SPOCK1: variants seen among roughly 807,000 people sequenced by gnomAD.
The protein encoded by SPOCK1 is testican-1.
A neutral mutation model predicts 55.3 loss-of-function variants in SPOCK1; 23 were observed. That is an observed-to-expected ratio of 0.42 (90% CI 0.30 to 0.59). SPOCK1 has a LOEUF of 0.59. Among genes scored for constraint, SPOCK1 ranks in the 20% least tolerant of loss-of-function variants. The pLI is 0.22. For synonymous variants in SPOCK1, 226 were observed against 221.0 expected (o/e 1.02, Z -0.20); for missense variants, 499 against 552.5 (o/e 0.90, Z 0.97).
chr5:137,339,738 C>T (rs1308147878), intron 2 of SPOCK1, among the ~76,000 whole-genome samples: 1 of 152,060 alleles, frequency 6.6e-6, no homozygotes, highest in African/African-American at 2.4e-5. Context: ...GGGGAGCAAG[C>T]AGAGACACCC....
At chr5:137,406,793 C>A (rs891538917) in intron 2 of SPOCK1, among the ~76,000 whole-genome samples, 1 of 152,200 alleles carries the variant, frequency 6.6e-6, no homozygotes, top group Non-Finnish European at 1.5e-5. Flanking sequence ...ATGAACCTCA[C>A]CCCAGTGTTC....
chr5:137,282,604 G>A (rs535031013), intron 2 of SPOCK1, among the ~76,000 whole-genome samples: 22 of 152,324 alleles, frequency 1.4e-4, no homozygotes, highest in African/African-American at 5.1e-4. Flanking sequence ...ATGTTTGTTT[G>A]GAGAAAAGCT....
chr5:137,321,751 G>C (rs1486799363), intron 2 of SPOCK1, among the ~76,000 whole-genome samples: 1 of 151,782 alleles, frequency 6.6e-6, no homozygotes, highest in East Asian at 1.9e-4. Context: ...GGTAGCAGGT[G>C]ACTGTAATCC....
At chr5:137,384,731 C>T (rs1298770769) in intron 2 of SPOCK1, among the ~76,000 whole-genome samples, 10 of 152,158 alleles carry the variant, frequency 6.6e-5, no homozygotes, top group African/African-American at 2.4e-4. Flanking sequence ...ACTCCAATCT[C>T]TCCCTCCAAC....
chr5:136,993,713 G>T (rs1255051727), intron 6 of SPOCK1, among the ~76,000 whole-genome samples: 1 of 152,190 alleles, frequency 6.6e-6, no homozygotes, highest in East Asian at 1.9e-4. Flanking sequence ...TGGTGCTGAA[G>T]AGACACAGAT....
intron 3 of SPOCK1, among the ~76,000 whole-genome samples, chr5:137,199,234 C>CA (rs754829225): frequency 1.3e-5 from 2 of 152,176 alleles, no homozygotes; most frequent in Non-Finnish European, 2.9e-5. Context: ...AACCAGCCCA[C>CA]ACGTTGACAC....
chr5:137,454,261 C>T (rs1459285133), intron 2 of SPOCK1, among the ~76,000 whole-genome samples: 2 of 152,062 alleles, frequency 1.3e-5, no homozygotes, highest in Admixed American at 6.6e-5. Flanking sequence ...GAAAGCCAGA[C>T]TTAAGAGGAC....
At chr5:137,074,945 A>T (rs997054683) in intron 5 of SPOCK1, among the ~76,000 whole-genome samples, 2 of 151,960 alleles carry the variant, frequency 1.3e-5, no homozygotes, top group East Asian at 3.9e-4. Flanking sequence ...CCTCGTGATC[A>T]GCCCACCTCG....
intron 3 of SPOCK1, among the ~76,000 whole-genome samples, chr5:137,229,331 C>T (rs1756005532): frequency 6.6e-6 from 1 of 152,112 alleles, no homozygotes; most frequent in Admixed American, 6.5e-5. Flanking sequence ...CCAAGGAATA[C>T]ACCTCCCTAG....
intron 6 of SPOCK1, among the ~76,000 whole-genome samples, chr5:137,044,092 T>C (rs908531459): frequency 1.3e-5 from 2 of 152,170 alleles, no homozygotes; most frequent in African/African-American, 2.4e-5. Context: ...CTTTGGGATA[T>C]AGTAGAGCTT....
At chr5:137,418,626 T>A (rs1313661171) in intron 2 of SPOCK1, among the ~76,000 whole-genome samples, 2 of 152,252 alleles carry the variant, frequency 1.3e-5, no homozygotes, top group Non-Finnish European at 2.9e-5. Flanking sequence ...TCTGTTCATA[T>A]CCTTCACCCA....
At chr5:137,123,603 T>C (rs1242873034) in intron 4 of SPOCK1, among the ~76,000 whole-genome samples, 3 of 152,144 alleles carry the variant, frequency 2.0e-5, no homozygotes, top group Admixed American at 1.3e-4. Flanking sequence ...CTATTCTACC[T>C]AGACCGTGTT....
intron 3 of SPOCK1, among the ~76,000 whole-genome samples, chr5:137,264,921 T>C (rs967131871): frequency 7.2e-5 from 11 of 152,190 alleles, no homozygotes; most frequent in African/African-American, 2.7e-4. Context: ...CAGCTACCCC[T>C]GAGGTACAAA....
At chr5:137,292,324 A>G (rs1237590931) in intron 2 of SPOCK1, among the ~76,000 whole-genome samples, 1 of 151,712 alleles carries the variant, frequency 6.6e-6, no homozygotes, top group Non-Finnish European at 1.5e-5. Flanking sequence ...TTCGAATGGG[A>G]ACTACCCTAA....
At chr5:137,397,585 A>G (rs945979799) in intron 2 of SPOCK1, among the ~76,000 whole-genome samples, 6 of 152,108 alleles carry the variant, frequency 3.9e-5, no homozygotes, top group African/African-American at 1.4e-4. Flanking sequence ...CCTTGCCAAC[A>G]CTGGGTCAAA....
At chr5:137,276,369 C>T (rs1757067828) in intron 2 of SPOCK1, among the ~76,000 whole-genome samples, 1 of 152,202 alleles carries the variant, frequency 6.6e-6, no homozygotes, top group Non-Finnish European at 1.5e-5. Flanking sequence ...CCCAGTCCCT[C>T]TGCACTCGAG....
At chr5:137,461,398 C>A (rs1319610810) in intron 2 of SPOCK1, among the ~76,000 whole-genome samples, 1 of 152,176 alleles carries the variant, frequency 6.6e-6, no homozygotes, top group East Asian at 1.9e-4. Context: ...GGAGGAAAAA[C>A]CATGGGGAAC....
At chr5:137,016,833 C>T (rs1234333670) in intron 6 of SPOCK1, among the ~76,000 whole-genome samples, 1 of 152,244 alleles carries the variant, frequency 6.6e-6, no homozygotes, top group East Asian at 1.9e-4. Context: ...TATGGCCTCA[C>T]GTTCACAATG....
At chr5:137,141,121 G>A (rs553180918) in intron 3 of SPOCK1, among the ~76,000 whole-genome samples, 10 of 152,246 alleles carry the variant, frequency 6.6e-5, no homozygotes, top group East Asian at 3.9e-4. Context: ...GTTTGCCCTC[G>A]GTGCTGTTCT....
Sources: gnomAD v4.1 joint callset for allele counts (sites outside exome capture counted in the v4.1 genomes callset) on GRCh38, gnomAD v4.1.1 for gene constraint, MANE v1.5 for transcripts, NCBI Gene and HGNC (gene_info 2026-07-23, HGNC 2026-07-21) for gene names.